Variants in DNAH10 observed in about 807,000 individuals in gnomAD.
DNAH10 encodes dynein axonemal heavy chain 10, also known as axonemal beta dynein heavy chain 10.
A neutral mutation model predicts 506.6 loss-of-function variants in DNAH10; 348 were observed. The ratio of observed to expected loss-of-function variants is 0.69; its 90% CI spans 0.63 to 0.75. DNAH10 has a LOEUF of 0.75. Among genes scored for constraint, DNAH10 ranks in the 30% least tolerant of loss-of-function variants. The pLI is 0.00. For synonymous variants in DNAH10, 2,059 were observed against 2,198.6 expected, an observed-to-expected ratio of 0.94 and a Z score of 1.78; for missense variants, 5,179 against 5,787.1, an observed-to-expected ratio of 0.89 and a Z score of 3.41.
Position 123,845,835 on chromosome 12 carries a change from G to A in DNAH10, c.5596G>A (p.Ala1866Thr), listed in dbSNP as rs1326152811. 5 of 1,613,922 alleles carry A rather than the reference G, an allele frequency of 3.1e-6. No homozygotes were observed. Among genetic ancestry groups the A allele is most frequent in the South Asian group, 1.1e-5 (1 of 91,082 alleles). Residue 1866 changes from alanine (A) to threonine (T), a missense_variant, in exon 31 of 79, where the codon GCC becomes ACC. By Grantham distance (58) the Ala-to-Thr change is moderately conservative (BLOSUM62 0). Transcript: ENST00000673944. ...CACTGTTCTCATCATTGATGTGCAT[G>A]CCAGAGACATAGTTGATTCTTTCAT... ...YNTVLIIDVH[A>T]RDIVDSFIRG...
Position 123,928,580 on chromosome 12 carries a change from C to T in DNAH10, c.12299C>T (p.Ser4100Phe). Residue 4100 changes from serine to phenylalanine, a missense_variant, in exon 70 of 79, where the codon TCC (serine) becomes TTC (phenylalanine). By Grantham distance (155) the Ser-to-Phe change is radical (BLOSUM62 -2). Transcript: ENST00000673944. This position sits in a 1 kb window ranked among gnomAD's most constrained non-coding sequence, Gnocchi z 4.9. ...KGFPIGILQK[S>F]LKVVTEPPNG... The stretch of plus-strand genomic sequence containing the variant: ...TTCCCCATTGGGATTCTGCAGAAGT[C>T]CCTAAAGGTCTGGCTTCAGGATGGA... 4 of 1,598,760 alleles carry T rather than the reference C, an allele frequency of 2.5e-6. No homozygotes were observed. Among genetic ancestry groups the T allele is most frequent in the Non-Finnish European group, 3.4e-6 (4 of 1,172,686 alleles).
intron 30 of DNAH10, 28 bp from the exon 31 acceptor site, chr12:123,845,572 G>C: frequency 6.2e-7 from 1 of 1,608,570 alleles, no homozygotes; most frequent in Non-Finnish European, 8.5e-7. Flanking sequence ...ATTGATCAGA[G>C]CCTCTTACAG....
rs764019772 is a variant in DNAH10 at position 123,934,610 on chromosome 12, T to C, written c.13478-11T>C. Reference sequence around the variant, plus strand: ...CTCCAGTTGTATCCAGTCTCTGCCTTGTGTCCCTAGGATGCTTTGTCTCAG... The same window carrying C: ...CTCCAGTTGTATCCAGTCTCTGCCTCGTGTCCCTAGGATGCTTTGTCTCAG... On this transcript the variant is annotated splice_polypyrimidine_tract_variant and intron_variant, in intron 77 of 78. Coordinates refer to ENST00000673944, the MANE Select transcript of DNAH10 (RefSeq NM_001372106.1). 3 of 1,613,030 alleles carry C rather than the reference T, an allele frequency of 1.9e-6. No homozygotes were observed. The highest frequency in any genetic ancestry group is 2.5e-6 in the Non-Finnish European group (3 of 1,179,504).
rs770812767 is a variant in DNAH10 at position 123,916,728 on chromosome 12, A to G, written c.10994A>G (p.Asn3665Ser). ...GTGTTTGGGAAAGCTATGGTGATCA[A>G]TTACACTGGTAAGAATGTGTAGAAC... The part of the protein sequence containing the change: ...PSVFGKAMVI[N>S]YTVTLKGLED... The change falls in exon 63 of 79, where the codon AAT (asparagine) becomes AGT (serine). Residue 3665 changes from asparagine to serine, a missense_variant. Asn to Ser is a conservative substitution (Grantham distance 46, BLOSUM62 1). Transcript: ENST00000673944. This position sits in a 1 kb window ranked among gnomAD's most constrained non-coding sequence, Gnocchi z 4.6. 12 of 1,609,464 alleles carry G rather than the reference A, an allele frequency of 7.5e-6. No individual in the cohort carries two copies. The highest frequency in any genetic ancestry group is 2.2e-5 in the East Asian group (1 of 44,818).
chr12:123,873,534 T>G, intron 45 of DNAH10, 24 bp from the exon 46 acceptor site: 1 of 1,580,102 alleles, frequency 6.3e-7, no homozygotes, highest in Non-Finnish European at 8.6e-7. Context: ...AGCTGGCTTT[T>G]CACATCATCT....
At chr12:123,763,991 A>G (rs1171530428) in intron 1 of DNAH10, among the ~76,000 whole-genome samples, 1 of 149,586 alleles carries the variant, frequency 6.7e-6, no homozygotes, top group Admixed American at 6.7e-5. Flanking sequence ...TCAGCCTCCC[A>G]AGTAGCTGGG....
At chr12:123,778,941 C>G (rs1957540696) in intron 5 of DNAH10, among the ~76,000 whole-genome samples, 1 of 151,350 alleles carries the variant, frequency 6.6e-6, no homozygotes, top group Non-Finnish European at 1.5e-5. Flanking sequence ...ACTGTGTCGC[C>G]CAGTCTGGAG....
At position 123,838,669 on chromosome 12, in the gene DNAH10, G is replaced by T. The variant is rs756639864; in HGVS notation, c.5116G>T (p.Val1706Phe). The change falls in exon 29 of 79, where the codon GTC (valine) becomes TTC (phenylalanine). Residue 1706 changes from valine (V) to phenylalanine (F), a missense_variant. Physicochemically the swap from Val to Phe is conservative, Grantham distance 50 (BLOSUM62 -1). Coordinates refer to ENST00000673944, the MANE Select transcript of DNAH10 (RefSeq NM_001372106.1). ...TCTGGGGAGCAGCGACCCACTCTGC[G>T]TCCAGGAGCACATGATCAAGGTCAG... The part of the protein sequence containing the change: ...SILGSSDPLC[V>F]QEHMIKMYDN... 1.9e-6 allele frequency: 3 copies of T among 1,613,782 alleles called. No individual in the cohort carries two copies. In the East Asian group the frequency reaches 6.7e-5, roughly 36 times the overall value.
intron 38 of DNAH10, 26 bp from the exon 39 acceptor site, chr12:123,860,986 C>A: frequency 6.2e-7 from 1 of 1,613,836 alleles, no homozygotes. Flanking sequence ...TGTCTTGAAC[C>A]ATGGCTAAAG....
chr12:123,864,827 A>T (rs1951742283), intron 40 of DNAH10, 97 bp downstream of exon 40: 1 of 1,390,500 alleles, frequency 7.2e-7, no homozygotes, highest in Admixed American at 2.5e-5. Flanking sequence ...ATGATTATTT[A>T]AAAACAAACA....
At position 123,909,705 on chromosome 12, in the gene DNAH10, T is replaced by C. The variant is rs1953980570; in HGVS notation, c.9997+263T>C. ...TCGGCACTAGTCCTAGCTCTCCGTG[T>C]CAGGAAACAGGATCTTCTCATTGGA... On this transcript the variant is annotated intron_variant, in intron 58 of 78. Transcript: ENST00000673944. This position sits in a 1 kb window ranked among gnomAD's most constrained non-coding sequence, Gnocchi z 5.4. 6.6e-6 allele frequency among the ~76,000 whole-genome samples: 1 copy of C among 152,210 alleles called. No homozygotes were observed. Among genetic ancestry groups the C allele is most frequent in the Non-Finnish European group, 1.5e-5 (1 of 68,036 alleles).
Position 123,910,682 on chromosome 12 carries a change from G to A in DNAH10, c.10134+10G>A, listed in dbSNP as rs759220481. ...GCCCAAAAGAGAGAAGGTATTGCCC[G>A]AATGTAAGACTGCCACACCACTGCC... On this transcript the variant is annotated intron_variant, in intron 59 of 78. Transcript: ENST00000673944. 89 of 1,609,406 alleles carry A rather than the reference G, an allele frequency of 5.5e-5. No individual in the cohort carries two copies. Among genetic ancestry groups the A allele is most frequent in the Middle Eastern group, 1.6e-4 (1 of 6,072 alleles).
chr12:123,899,169 G>A (rs1179451917), intron 56 of DNAH10, among the ~76,000 whole-genome samples: 2 of 152,110 alleles, frequency 1.3e-5, no homozygotes, highest in Admixed American at 1.3e-4. Flanking sequence ...TGGCACCATC[G>A]ACGCGGGACT....
chr12:123,837,454 C>G lies in DNAH10; in HGVS notation c.4903-1002C>G, dbSNP rs78490750. 9.0e-3 allele frequency among the ~76,000 whole-genome samples: 1,366 copies of G among 151,884 alleles called. 15 individuals are homozygous for G. Among genetic ancestry groups the G allele is most frequent in the African/African-American group, 0.03 (1,262 of 41,472 alleles). ...AAAAAAGAAAGGAAGAAAAAAATACCTATAATCCCCTTGCCCAGGGTAACC... is the reference window on the plus strand; with the variant it reads ...AAAAAAGAAAGGAAGAAAAAAATACGTATAATCCCCTTGCCCAGGGTAACC... On this transcript the variant is annotated intron_variant, in intron 28 of 78. Transcript: ENST00000673944.
chr12:123,777,477 G>A (rs942147837), intron 5 of DNAH10, among the ~76,000 whole-genome samples: 28 of 152,190 alleles, frequency 1.8e-4, no homozygotes, highest in Admixed American at 5.2e-4. Context: ...GAGGTCTCAC[G>A]GAGTACAAGT....
intron 10 of DNAH10, 35 bp downstream of exon 10, chr12:123,788,037 C>T (rs768691327): frequency 1.9e-6 from 3 of 1,550,950 alleles, no homozygotes; most frequent in South Asian, 1.2e-5. Flanking sequence ...GAATTTGCCC[C>T]GAAGAAGGCA....
At chr12:123,899,497 C>T (rs1953419177) in intron 56 of DNAH10, among the ~76,000 whole-genome samples, 1 of 152,156 alleles carries the variant, frequency 6.6e-6, no homozygotes, top group Admixed American at 6.5e-5. Context: ...CATCTCGGTT[C>T]AGTTCCTTTG....
chr12:123,890,428 A>G (rs1240273806), intron 52 of DNAH10, among the ~76,000 whole-genome samples: 1 of 150,556 alleles, frequency 6.6e-6, no homozygotes, highest in Non-Finnish European at 1.5e-5. Context: ...ATCTCACCAC[A>G]ACCAGCTGAT....
chr12:123,894,701 T>G lies in DNAH10; in HGVS notation c.9258T>G (p.His3086Gln). 1.2e-6 allele frequency: 2 copies of G among 1,614,020 alleles called. No individual in the cohort carries two copies. The highest frequency in any genetic ancestry group is 1.7e-6 in the Non-Finnish European group (2 of 1,179,894). ...WFMPWPPQAL[H>Q]AVAKSFLGYN... The stretch of plus-strand genomic sequence containing the variant: ...TGCCCTGGCCTCCCCAAGCCCTCCA[T>G]GCGGTCGCAAAGTCCTTTCTAGGTA... The change falls in exon 54 of 79, where the codon CAT becomes CAG. Residue 3086 changes from histidine to glutamine, a missense_variant. By Grantham distance (24) the His-to-Gln change is conservative. Around this residue, in one of 3 missense-constraint regions of DNAH10, gnomAD observed 4,844 missense variants for 5,430.5 expected, o/e 0.89. Transcript: ENST00000673944.
Sources: allele counts gnomAD v4.1 joint callset (sites outside exome capture counted in the v4.1 genomes callset), GRCh38; gene constraint gnomAD v4.1.1; regional missense constraint gnomAD v4.1.1; non-coding constraint Gnocchi (gnomAD v3.1); transcripts MANE v1.5; gene names NCBI Gene and HGNC (gene_info 2026-07-23, HGNC 2026-07-21).